Variants in FAM13A observed in about 807,000 individuals in gnomAD.
The protein encoded by FAM13A is family with sequence similarity 13 member A, also known as protein FAM13A.
FAM13A carries 76 observed loss-of-function variants against 129.6 expected under a neutral mutation model. That is an observed-to-expected ratio of 0.59 (90% CI 0.49 to 0.71). FAM13A has a LOEUF of 0.71. FAM13A is among the 30% of genes least tolerant of loss of function. The probability of loss-of-function intolerance (pLI) is 0.00; values close to 1 mark genes in which losing one functional copy is unlikely to be tolerated. For synonymous variants in FAM13A, 443 were observed against 449.9 expected (o/e 0.98, Z 0.20); for missense variants, 1,108 against 1,249.3 (o/e 0.89, Z 1.70).
intron 3 of FAM13A, among the ~76,000 whole-genome samples, chr4:89,014,828 T>C (rs1766244887): frequency 6.6e-6 from 1 of 152,162 alleles, no homozygotes; most frequent in African/African-American, 2.4e-5. Context: ...TTAAACAATA[T>C]GAAATCTGGG....
intron 3 of FAM13A, among the ~76,000 whole-genome samples, chr4:88,994,751 G>A (rs1410918049): frequency 6.6e-6 from 1 of 151,760 alleles, no homozygotes; most frequent in African/African-American, 2.4e-5. Flanking sequence ...GAAATGGGAG[G>A]ATCGCTTGAG....
chr4:88,765,189 C>G (rs921970386), intron 13 of FAM13A, among the ~76,000 whole-genome samples: 2 of 152,090 alleles, frequency 1.3e-5, no homozygotes, highest in African/African-American at 2.4e-5. Flanking sequence ...CTCATTCTAA[C>G]GGGAATAGTA....
chr4:88,892,258 C>T (rs1478471609), intron 6 of FAM13A, among the ~76,000 whole-genome samples: 1 of 146,076 alleles, frequency 6.8e-6, no homozygotes, highest in Non-Finnish European at 1.5e-5. Flanking sequence ...CGGCTCACTG[C>T]AAGCTCCACC....
rs995640088 is a variant in FAM13A at position 88,822,978 on chromosome 4, T to G, written c.1008-17926A>C. The G allele has an allele frequency of 2.5e-6, 4 of 1,613,104 alleles. No individual in the cohort carries two copies. The African/African-American group carries it at 5.3e-5, about 22-fold the overall frequency. ...AAAATAAAATAGGAAAATACTACCT[T>G]TGCAGAGGCATGATTTCACAAGCCA... On this transcript the variant is annotated intron_variant, in intron 7 of 23. Coordinates refer to ENST00000264344, the MANE Select transcript of FAM13A (RefSeq NM_014883.4).
rs1368914981 is a variant in FAM13A at position 88,726,789 on chromosome 4, C to A, written c.*1744G>T. ...AAACAGTAGAGCAAAGAATTCCAAA[C>A]TATATTTTTATGTACATTTAAACCT... is the stretch of plus-strand genomic sequence containing the variant. On this transcript the variant is annotated 3_prime_UTR_variant, in exon 24 of 24. Transcript: ENST00000264344. 1 of 152,622 alleles carries A rather than the reference C, an allele frequency of 6.6e-6. No homozygotes were observed. Among genetic ancestry groups the A allele is most frequent in the Non-Finnish European group, 1.5e-5 (1 of 68,038 alleles). 9.5% of individuals were successfully genotyped at this position (152,622 alleles called of 1,614,324 possible). A position where few individuals can be genotyped will look rare whatever the true frequency, so the allele number is the denominator to read the frequency against.
At chr4:88,738,362 G>A (rs1356257359) in intron 20 of FAM13A, among the ~76,000 whole-genome samples, 1 of 152,164 alleles carries the variant, frequency 6.6e-6, no homozygotes, top group Non-Finnish European at 1.5e-5. Context: ...ATAAGCTGGG[G>A]GTGGAAACGC....
At chr4:88,817,822 T>C (rs562144679) in intron 7 of FAM13A, among the ~76,000 whole-genome samples, 1 of 152,320 alleles carries the variant, frequency 6.6e-6, no homozygotes, top group South Asian at 2.1e-4. Context: ...TGCAATGATA[T>C]AGCACTACCT....
intron 11 of FAM13A, among the ~76,000 whole-genome samples, chr4:88,771,105 AC>A (rs1417522760): frequency 1.3e-5 from 2 of 149,650 alleles, no homozygotes; most frequent in African/African-American, 4.9e-5. Flanking sequence ...TTGCACCTAT[AC>A]CTTTTGGAAA....
intron 3 of FAM13A, among the ~76,000 whole-genome samples, chr4:89,003,807 A>T (rs1425163670): frequency 6.6e-6 from 1 of 152,230 alleles, no homozygotes; most frequent in Non-Finnish European, 1.5e-5. Flanking sequence ...GCAAGGCAAC[A>T]GAGTGAATTC....
chr4:88,959,088 A>C (rs1238736966), intron 4 of FAM13A, among the ~76,000 whole-genome samples: 1 of 152,216 alleles, frequency 6.6e-6, no homozygotes, highest in Non-Finnish European at 1.5e-5. Flanking sequence ...TCTTGAAATT[A>C]AATAACTTGT....
At chr4:88,782,791 G>A (rs986504201) in intron 10 of FAM13A, among the ~76,000 whole-genome samples, 4 of 152,122 alleles carry the variant, frequency 2.6e-5, no homozygotes, top group Non-Finnish European at 5.9e-5. Context: ...GGGACTAAAT[G>A]CAAGCACTTA....
intron 1 of FAM13A, among the ~76,000 whole-genome samples, chr4:89,040,741 T>C (rs556659033): frequency 6.6e-6 from 1 of 152,152 alleles, no homozygotes; most frequent in African/African-American, 2.4e-5. Context: ...TAATATTGAG[T>C]GTCAACTTGA....
At chr4:88,899,246 T>C (rs1326459846) in intron 6 of FAM13A, among the ~76,000 whole-genome samples, 1 of 151,976 alleles carries the variant, frequency 6.6e-6, no homozygotes, top group Non-Finnish European at 1.5e-5. Flanking sequence ...AACTCAGTAA[T>C]GGAAAACCAA....
chr4:88,910,979 A>C (rs895547292), intron 5 of FAM13A, among the ~76,000 whole-genome samples: 1 of 151,850 alleles, frequency 6.6e-6, no homozygotes, highest in Non-Finnish European at 1.5e-5. Context: ...ATCTCACCCT[A>C]CTCTGTGAGA....
chr4:88,845,343 T>C (rs555476203), intron 7 of FAM13A, among the ~76,000 whole-genome samples: 62 of 152,134 alleles, frequency 4.1e-4, no homozygotes, highest in Non-Finnish European at 8.1e-4. Flanking sequence ...GGAGATTGTC[T>C]GGCAGCCACT....
intron 6 of FAM13A, among the ~76,000 whole-genome samples, chr4:88,879,635 T>C (rs536462486): frequency 9.3e-4 from 141 of 152,340 alleles, no homozygotes; most frequent in Non-Finnish European, 1.7e-3. Context: ...TGTGATTAGC[T>C]CTGGCCAATG....
At chr4:89,003,283 GA>G (rs33992424) in intron 3 of FAM13A, among the ~76,000 whole-genome samples, 16,293 of 146,374 alleles carry the variant, frequency 0.11, 965 homozygotes, top group African/African-American at 0.16. Context: ...GAGCAATTTG[GA>G]AAAAAAAAAA....
chr4:88,838,804 C>T (rs1735294715), intron 7 of FAM13A, among the ~76,000 whole-genome samples: 1 of 152,062 alleles, frequency 6.6e-6, no homozygotes, highest in Non-Finnish European at 1.5e-5. Flanking sequence ...CACTGCAGTA[C>T]TTGCACTTTT....
At chr4:88,834,911 A>AC (rs767578038) in intron 7 of FAM13A, among the ~76,000 whole-genome samples, 19 of 149,718 alleles carry the variant, frequency 1.3e-4, no homozygotes, top group Non-Finnish European at 2.5e-4. Context: ...ATTCCCCTTC[A>AC]CCCTCCCTTT....
Sources: allele counts gnomAD v4.1 joint callset (sites outside exome capture counted in the v4.1 genomes callset), GRCh38; gene constraint gnomAD v4.1.1; transcripts MANE v1.5; gene names NCBI Gene and HGNC (gene_info 2026-07-23, HGNC 2026-07-21).